Variants in DCUN1D4 observed in about 807,000 individuals in gnomAD.
DCUN1D4 encodes the protein defective in cullin neddylation 1 domain containing 4, also known as DCN1-like protein 4.
A neutral mutation model predicts 47.9 loss-of-function variants in DCUN1D4; 22 were observed. The observed-to-expected ratio is 0.46, with a 90% CI of 0.33 to 0.66. The LOEUF is 0.66. Among genes scored for constraint, DCUN1D4 ranks in the 30% least tolerant of loss-of-function variants. The pLI, the probability that DCUN1D4 is intolerant of heterozygous loss-of-function variation, is 0.02. For missense variants in DCUN1D4, 301 were observed against 340.8 expected (o/e 0.88, Z 0.92); for synonymous variants, 121 against 112.2 (o/e 1.08, Z -0.50).
chr4:51,881,331 A>G (rs1027781303), intron 5 of DCUN1D4, among the ~76,000 whole-genome samples: 2 of 152,204 alleles, frequency 1.3e-5, no homozygotes, highest in African/African-American at 2.4e-5. Context: ...ATTAAGTTCT[A>G]TAGCAGAATT....
intron 1 of DCUN1D4, among the ~76,000 whole-genome samples, chr4:51,849,121 G>A (rs1047373285): frequency 6.6e-6 from 1 of 152,166 alleles, no homozygotes; most frequent in Non-Finnish European, 1.5e-5. Context: ...AATGGACACT[G>A]TCAGTCCATT....
chr4:51,902,925 T>C (rs1732335139), intron 8 of DCUN1D4, among the ~76,000 whole-genome samples: 1 of 152,202 alleles, frequency 6.6e-6, no homozygotes, highest in South Asian at 2.1e-4. Context: ...TACCTTCATA[T>C]AATGTTATGC....
At chr4:51,904,363 T>G (rs571840427) in intron 8 of DCUN1D4, among the ~76,000 whole-genome samples, 1 of 152,300 alleles carries the variant, frequency 6.6e-6, no homozygotes, top group South Asian at 2.1e-4. Flanking sequence ...GCAATGTTTC[T>G]TTTCAGACTC....
intron 8 of DCUN1D4, 102 bp downstream of exon 8, chr4:51,899,480 A>G: frequency 1.4e-6 from 2 of 1,480,934 alleles, no homozygotes; most frequent in Non-Finnish European, 1.8e-6. Flanking sequence ...AAAAACTTGA[A>G]TAAGTTAACT....
At chr4:51,836,537 C>T in the DCUN1D4 span, among the ~76,000 whole-genome samples, 95 of 152,138 alleles carry the variant, frequency 6.2e-4, 1 homozygote, top group East Asian at 0.014. Context: ...CAACATAGCC[C>T]CTGTGGTAGA....
intron 3 of DCUN1D4, among the ~76,000 whole-genome samples, chr4:51,867,553 G>T (rs533184089): frequency 1.3e-5 from 2 of 152,290 alleles, no homozygotes; most frequent in South Asian, 4.1e-4. Flanking sequence ...CTGCAGGCAG[G>T]TCCTCCCGAC....
chr4:51,899,609 G>A (rs565238703), intron 8 of DCUN1D4, among the ~76,000 whole-genome samples: 1 of 152,232 alleles, frequency 6.6e-6, no homozygotes, highest in Non-Finnish European at 1.5e-5. Flanking sequence ...ACTGGCTCTT[G>A]GAATTGGCTT....
intron 1 of DCUN1D4, among the ~76,000 whole-genome samples, chr4:51,844,569 G>A (rs1447228937): frequency 6.6e-6 from 1 of 151,950 alleles, no homozygotes; most frequent in Non-Finnish European, 1.5e-5. Flanking sequence ...GATAGTCTGT[G>A]ACGCAGTTGT....
At position 51,844,349 on chromosome 4, in the gene DCUN1D4, T is replaced by C. The variant is rs905234389; in HGVS notation, c.25+1082T>C. The C allele has an allele frequency of 1.5e-4, 152 of 984,250 alleles. 2 individuals are homozygous for C. In the South Asian group the frequency reaches 5.0e-3, roughly 32 times the overall value. The allele number at this position is 984,250 out of a possible 1,614,324, so 61.0% of individuals were successfully genotyped here. Reference sequence around the variant, plus strand: ...GCTGAGGTGGAGGAGACGGGGTAAGTGCCCTAAGGTTGGAACTGGCCGTGG... The same window carrying C: ...GCTGAGGTGGAGGAGACGGGGTAAGCGCCCTAAGGTTGGAACTGGCCGTGG... On this transcript the variant is annotated intron_variant, in intron 1 of 10. Transcript: ENST00000334635.
At chr4:51,841,111 T>C (rs1310783549), upstream of DCUN1D4, among the ~76,000 whole-genome samples, 1 of 152,178 alleles carries the variant, frequency 6.6e-6, no homozygotes, top group African/African-American at 2.4e-5. Flanking sequence ...ATGCTGCAAA[T>C]AAATTAATAG....
At chr4:51,844,889 A>T (rs1056855047) in intron 1 of DCUN1D4, 13 of 984,792 alleles carry the variant, frequency 1.3e-5, no homozygotes, top group Non-Finnish European at 1.4e-5. Flanking sequence ...TGCTCGGCCA[A>T]CTCGTGCTTT....
At chr4:51,874,669 G>A (rs553537298) in intron 4 of DCUN1D4, 12 of 279,408 alleles carry the variant, frequency 4.3e-5, no homozygotes, top group Non-Finnish European at 6.8e-5. Context: ...TCAAAGCCTT[G>A]CTGTCTGTGC....
the DCUN1D4 span, among the ~76,000 whole-genome samples, chr4:51,837,523 C>T: frequency 6.6e-6 from 1 of 151,706 alleles, no homozygotes; most frequent in South Asian, 2.1e-4. Flanking sequence ...GGCGCAGTGG[C>T]GGGCGCCTGT....
intron 9 of DCUN1D4, among the ~76,000 whole-genome samples, chr4:51,912,183 G>A (rs1733814486): frequency 6.6e-6 from 1 of 152,154 alleles, no homozygotes. Context: ...ACAATCCCTT[G>A]AGATGAGTTA....
chr4:51,864,264 G>T (rs920047577), intron 3 of DCUN1D4, among the ~76,000 whole-genome samples: 1 of 152,138 alleles, frequency 6.6e-6, no homozygotes, highest in Admixed American at 6.5e-5. Flanking sequence ...TTGGGGTGGG[G>T]CCCCAGAGTT....
At chr4:51,899,788 CAT>C (rs761839997) in intron 8 of DCUN1D4, among the ~76,000 whole-genome samples, 74 of 152,288 alleles carry the variant, frequency 4.9e-4, no homozygotes, top group Non-Finnish European at 8.8e-4. Flanking sequence ...ATTTGGAAAT[CAT>C]GTGAATTTTA....
chr4:51,836,299 G>A, the DCUN1D4 span, among the ~76,000 whole-genome samples: 3 of 152,128 alleles, frequency 2.0e-5, no homozygotes, highest in African/African-American at 7.2e-5. Context: ...AAAATGTTAA[G>A]GACCATTTGC....
At chr4:51,913,471 CTATTATTATTATTGT>C (rs1734000195) in intron 10 of DCUN1D4, 43 bp from the exon 11 acceptor site, 1 of 1,559,200 alleles carries the variant, frequency 6.4e-7, no homozygotes, top group East Asian at 2.3e-5. Flanking sequence ...AGCTACATTA[CTATTATTATTATTGT>C]TATTATTATT....
chr4:51,851,495 A>G (rs1409479547), intron 1 of DCUN1D4, among the ~76,000 whole-genome samples: 1 of 150,460 alleles, frequency 6.6e-6, no homozygotes, highest in Non-Finnish European at 1.5e-5. Context: ...CTGTGGCAGG[A>G]GAGTGGGTGT....
Sources: gnomAD v4.1 joint callset for allele counts (sites outside exome capture counted in the v4.1 genomes callset) on GRCh38, gnomAD v4.1.1 for gene constraint, MANE v1.5 for transcripts, NCBI Gene and HGNC (gene_info 2026-07-23, HGNC 2026-07-21) for gene names.